STX8: variants seen among roughly 807,000 people sequenced by gnomAD.
The protein encoded by STX8 is syntaxin-8.
A neutral mutation model predicts 37.5 loss-of-function variants in STX8; 23 were observed. The observed-to-expected ratio is 0.61, with a 90% confidence interval of 0.44 to 0.87. The LOEUF (loss-of-function observed/expected upper bound fraction) is 0.87. STX8 is among the 40% of genes least tolerant of loss of function. STX8 has a pLI of 0.00. For missense variants in STX8, 313 were observed against 284.7 expected (o/e 1.10, Z -0.71); for synonymous variants, 115 against 99.1 (o/e 1.16, Z -0.95).
chr17:9,363,055 T>C (rs1430785629), intron 7 of STX8, among the ~76,000 whole-genome samples: 4 of 152,158 alleles, frequency 2.6e-5, no homozygotes, highest in Non-Finnish European at 5.9e-5. Flanking sequence ...CCCTAGCTCA[T>C]AACTGATTTA....
chr17:9,462,832 C>T (rs1260874963), intron 6 of STX8, among the ~76,000 whole-genome samples: 1 of 152,130 alleles, frequency 6.6e-6, no homozygotes, highest in Non-Finnish European at 1.5e-5. Context: ...GGAAGGACTG[C>T]TTGGGGTATG....
At chr17:9,407,408 AAAC>A (rs144814434) in intron 6 of STX8, among the ~76,000 whole-genome samples, 2,239 of 152,296 alleles carry the variant, frequency 0.015, 50 homozygotes, top group African/African-American at 0.051. Flanking sequence ...CTTGAATTAA[AAAC>A]AACAACAAAA....
intron 6 of STX8, among the ~76,000 whole-genome samples, chr17:9,410,495 G>A (rs1431414771): frequency 6.6e-6 from 1 of 152,182 alleles, no homozygotes; most frequent in Non-Finnish European, 1.5e-5. Context: ...AACGTGCCAT[G>A]CAATCAGGCA....
intron 7 of STX8, among the ~76,000 whole-genome samples, chr17:9,323,548 A>C (rs528437337): frequency 6.6e-6 from 1 of 152,326 alleles, no homozygotes; most frequent in Non-Finnish European, 1.5e-5. Flanking sequence ...ACCTTGCAGA[A>C]GGCAATCAGA....
At chr17:9,347,519 CTTT>C (rs781019199) in intron 7 of STX8, among the ~76,000 whole-genome samples, 3 of 152,100 alleles carry the variant, frequency 2.0e-5, no homozygotes, top group African/African-American at 7.2e-5. Flanking sequence ...CCAGAACTTT[CTTT>C]TTCTTTTTTT....
chr17:9,430,919 G>T (rs1225510625), intron 6 of STX8, among the ~76,000 whole-genome samples: 3 of 152,162 alleles, frequency 2.0e-5, no homozygotes, highest in Non-Finnish European at 4.4e-5. Context: ...AAAGTGCTGG[G>T]ATTACAGGCG....
intron 4 of STX8, among the ~76,000 whole-genome samples, chr17:9,519,515 G>GC (rs1385780112): frequency 6.6e-5 from 10 of 152,066 alleles, no homozygotes; most frequent in Non-Finnish European, 1.0e-4. Context: ...CATGGTTACA[G>GC]CCTTCTGATC....
intron 6 of STX8, among the ~76,000 whole-genome samples, chr17:9,393,960 A>C (rs571750533): frequency 6.6e-6 from 1 of 152,232 alleles, no homozygotes; most frequent in African/African-American, 2.4e-5. Context: ...CAACAAACAC[A>C]GTCAATTTTG....
intron 7 of STX8, among the ~76,000 whole-genome samples, chr17:9,331,760 C>A (rs117740361): frequency 6.6e-6 from 1 of 151,982 alleles, no homozygotes; most frequent in Admixed American, 6.5e-5. Context: ...GTTTTTCCTC[C>A]GCCTGTTCTC....
intron 7 of STX8, among the ~76,000 whole-genome samples, chr17:9,377,659 G>T (rs904109970): frequency 6.6e-6 from 1 of 152,026 alleles, no homozygotes; most frequent in Non-Finnish European, 1.5e-5. Flanking sequence ...ACAGGGTCTC[G>T]CCATGTTGCC....
chr17:9,458,461 C>T (rs1389002548), intron 6 of STX8, among the ~76,000 whole-genome samples: 2 of 152,176 alleles, frequency 1.3e-5, no homozygotes. Flanking sequence ...TATGCTGGCT[C>T]TTAAGCACAG....
At chr17:9,369,558 C>G (rs1911336493) in intron 7 of STX8, among the ~76,000 whole-genome samples, 1 of 152,050 alleles carries the variant, frequency 6.6e-6, no homozygotes, top group Admixed American at 6.6e-5. Context: ...AACTCAGTTT[C>G]TTACCTATGT....
At chr17:9,441,969 T>G (rs1352085610) in intron 6 of STX8, among the ~76,000 whole-genome samples, 1 of 152,122 alleles carries the variant, frequency 6.6e-6, no homozygotes, top group Non-Finnish European at 1.5e-5. Flanking sequence ...CCTGGCACCA[T>G]GGCTTTGATT....
At chr17:9,478,189 G>A (rs534821128) in intron 6 of STX8, among the ~76,000 whole-genome samples, 29 of 152,308 alleles carry the variant, frequency 1.9e-4, no homozygotes, top group Admixed American at 4.6e-4. Context: ...AGGCTGGAGT[G>A]CAGTGGTGCA....
intron 7 of STX8, among the ~76,000 whole-genome samples, chr17:9,338,064 T>C (rs1910196888): frequency 6.7e-6 from 1 of 148,480 alleles, no homozygotes; most frequent in African/African-American, 2.5e-5. Context: ...TTTTTTTTTT[T>C]TTTTTTGAGA....
At chr17:9,327,225 A>AGGAAGG (rs1909790516) in intron 7 of STX8, among the ~76,000 whole-genome samples, 1 of 147,974 alleles carries the variant, frequency 6.8e-6, no homozygotes, top group African/African-American at 2.6e-5. Context: ...AAGGAGGAAG[A>AGGAAGG]AGGAGGAAGG....
At chr17:9,493,877 CCAAA>C (rs1001414679) in intron 5 of STX8, among the ~76,000 whole-genome samples, 34 of 152,200 alleles carry the variant, frequency 2.2e-4, no homozygotes, top group African/African-American at 6.0e-4. Flanking sequence ...ACCTAAATGC[CCAAA>C]CACAGAGATG....
chr17:9,544,665 A>C (rs934178227), intron 4 of STX8, among the ~76,000 whole-genome samples: 3 of 152,142 alleles, frequency 2.0e-5, no homozygotes, highest in African/African-American at 7.2e-5. Flanking sequence ...GATGGGATTC[A>C]GCTGAACATA....
chr17:9,364,686 A>AC (rs552789969), intron 7 of STX8, among the ~76,000 whole-genome samples: 316 of 152,136 alleles, frequency 2.1e-3, no homozygotes, highest in Non-Finnish European at 3.9e-3. Context: ...GCCCACCACC[A>AC]CGCTCAGCTA....
Sources: allele counts gnomAD v4.1 joint callset (sites outside exome capture counted in the v4.1 genomes callset), GRCh38; gene constraint gnomAD v4.1.1; transcripts MANE v1.5; gene names NCBI Gene and HGNC (gene_info 2026-07-23, HGNC 2026-07-21).